The following CCDC91 variants were observed in gnomAD, a reference collection of about 807,000 sequenced individuals.
CCDC91 encodes the protein coiled-coil domain-containing protein 91.
In CCDC91, 48 loss-of-function variants were observed where a neutral mutation model predicts 63.2. That is an observed-to-expected ratio of 0.76 (90% CI 0.60 to 0.97). The LOEUF (loss-of-function observed/expected upper bound fraction) is 0.97. Ranked by LOEUF, CCDC91 falls within the 50% of genes least tolerant of loss-of-function variation. The probability of loss-of-function intolerance (pLI) is 0.00; values close to 1 mark genes in which losing one functional copy is unlikely to be tolerated. For missense variants in CCDC91, 500 were observed against 494.6 expected, an observed-to-expected ratio of 1.01 and a Z score of -0.10; for synonymous variants, 167 against 165.8, an observed-to-expected ratio of 1.01 and a Z score of -0.06.
chr12:28,213,974 A>G (rs1324236991), intron 1 of CCDC91, among the ~76,000 whole-genome samples: 3 of 152,218 alleles, frequency 2.0e-5, no homozygotes, highest in Admixed American at 6.5e-5. Flanking sequence ...TCTTTCTTCC[A>G]TTGCCAGGAT....
At chr12:28,440,159 A>G (rs1034447916) in intron 8 of CCDC91, among the ~76,000 whole-genome samples, 5 of 152,188 alleles carry the variant, frequency 3.3e-5, no homozygotes, top group African/African-American at 1.2e-4. Flanking sequence ...ATCAGGGTAA[A>G]TGACCACATG....
chr12:28,502,339 C>T (rs1456522742), intron 12 of CCDC91, among the ~76,000 whole-genome samples: 1 of 151,930 alleles, frequency 6.6e-6, no homozygotes, highest in Non-Finnish European at 1.5e-5. Flanking sequence ...ACAATTTCTT[C>T]AAAGAGAATA....
At position 28,452,585 on chromosome 12, in the gene CCDC91, T is replaced by C. The variant is rs746120585; in HGVS notation, c.1032T>C (p.His344=). Residue 344 remains histidine, a synonymous_variant, in exon 11 of 13, where the codon CAT becomes CAC. Transcript: ENST00000536442. The part of the protein sequence containing the change: ...AEERELWKTE[H]AKDQEKVSQE... ...AAAGGGAATTATGGAAGACAGAACA[T>C]GCAAAAGATCAAGAAAAAGTATCTC... 18 of 1,585,434 alleles carry C rather than the reference T, an allele frequency of 1.1e-5. No homozygotes were observed. The highest frequency in any genetic ancestry group is 1.5e-5 in the Non-Finnish European group (18 of 1,167,550).
intron 1 of CCDC91, among the ~76,000 whole-genome samples, chr12:28,244,334 A>C (rs1490393762): frequency 6.6e-6 from 1 of 152,116 alleles, no homozygotes; most frequent in African/African-American, 2.4e-5. Context: ...ATGGGGATAG[A>C]TGAAAAGATT....
chr12:28,205,224 A>G (rs1942755866), intron 1 of CCDC91, among the ~76,000 whole-genome samples: 2 of 152,086 alleles, frequency 1.3e-5, no homozygotes, highest in Non-Finnish European at 2.9e-5. Context: ...GGAAAGGCGA[A>G]TGAAGGTGTG....
At chr12:28,375,899 T>C (rs910488323) in intron 7 of CCDC91, among the ~76,000 whole-genome samples, 1 of 151,920 alleles carries the variant, frequency 6.6e-6, no homozygotes, top group Admixed American at 6.6e-5. Context: ...ATTTTTGAGA[T>C]AATGAGGAAC....
chr12:28,461,016 G>A (rs976196337), intron 11 of CCDC91, among the ~76,000 whole-genome samples: 10 of 152,006 alleles, frequency 6.6e-5, no homozygotes, highest in African/African-American at 9.6e-5. Flanking sequence ...AGGTTATTTA[G>A]GTATAGTCTG....
intron 8 of CCDC91, among the ~76,000 whole-genome samples, chr12:28,425,443 C>T (rs1428291997): frequency 9.9e-5 from 15 of 152,102 alleles, no homozygotes; most frequent in Non-Finnish European, 2.1e-4. Context: ...CTGCCAGAGC[C>T]TTTATTTGGG....
At chr12:28,239,424 T>A (rs536779079) in intron 1 of CCDC91, among the ~76,000 whole-genome samples, 116 of 152,250 alleles carry the variant, frequency 7.6e-4, no homozygotes, top group Non-Finnish European at 1.2e-3. Flanking sequence ...ATGGCATTAA[T>A]TAGTATAGCT....
intron 1 of CCDC91, among the ~76,000 whole-genome samples, chr12:28,237,288 A>G (rs1266050411): frequency 7.0e-6 from 1 of 141,898 alleles, no homozygotes; most frequent in African/African-American, 2.5e-5. Flanking sequence ...AAGTTGTTGT[A>G]GGCAGAATAA....
chr12:28,330,882 T>A (rs558743549), intron 6 of CCDC91, among the ~76,000 whole-genome samples: 1 of 152,304 alleles, frequency 6.6e-6, no homozygotes, highest in African/African-American at 2.4e-5. Context: ...TACTTCAAAG[T>A]TTTGCCCTTT....
At chr12:28,469,861 G>A (rs1243893200) in intron 11 of CCDC91, among the ~76,000 whole-genome samples, 1 of 152,098 alleles carries the variant, frequency 6.6e-6, no homozygotes, top group Non-Finnish European at 1.5e-5. Flanking sequence ...TCAGTAAATT[G>A]TGCTGGGAAA....
intron 11 of CCDC91, among the ~76,000 whole-genome samples, chr12:28,475,925 A>C (rs1462633209): frequency 1.3e-5 from 2 of 152,004 alleles, no homozygotes; most frequent in African/African-American, 4.8e-5. Flanking sequence ...TGGTTACTAG[A>C]AAATTACATT....
chr12:28,233,461 T>C (rs2135849945), intron 1 of CCDC91, among the ~76,000 whole-genome samples: 1 of 152,280 alleles, frequency 6.6e-6, no homozygotes, highest in South Asian at 2.1e-4. Flanking sequence ...TTGTTATTGG[T>C]GAGAAAATTT....
chr12:28,410,078 A>C (rs1234610825), intron 8 of CCDC91, among the ~76,000 whole-genome samples: 1 of 152,252 alleles, frequency 6.6e-6, no homozygotes, highest in Non-Finnish European at 1.5e-5. Flanking sequence ...GTGTATTGTT[A>C]CTAATTTCCT....
At chr12:28,242,878 G>C (rs187474864) in intron 1 of CCDC91, among the ~76,000 whole-genome samples, 33 of 152,194 alleles carry the variant, frequency 2.2e-4, no homozygotes, top group Admixed American at 9.8e-4. Flanking sequence ...TGGTTTAAAA[G>C]TGTGTAGCGC....
intron 12 of CCDC91, among the ~76,000 whole-genome samples, chr12:28,543,135 C>T (rs140881566): frequency 5.9e-5 from 9 of 152,118 alleles, no homozygotes; most frequent in African/African-American, 1.4e-4. Flanking sequence ...TGTTTCTCTT[C>T]GTGTAAAGAC....
At chr12:28,418,090 C>A (rs11049587) in intron 8 of CCDC91, among the ~76,000 whole-genome samples, 59,041 of 151,850 alleles carry the variant, frequency 0.39, 11,939 homozygotes, top group Middle Eastern at 0.48. Context: ...AGGAGTAGCA[C>A]TGGTGGATCA....
chr12:28,277,501 C>A (rs1357809415), intron 3 of CCDC91, among the ~76,000 whole-genome samples: 1 of 152,044 alleles, frequency 6.6e-6, no homozygotes, highest in Non-Finnish European at 1.5e-5. Context: ...GCTCCAAAAT[C>A]CAAAACTTAC....
Sources: allele counts gnomAD v4.1 joint callset (sites outside exome capture counted in the v4.1 genomes callset), GRCh38; gene constraint gnomAD v4.1.1; transcripts MANE v1.5; gene names NCBI Gene and HGNC (gene_info 2026-07-23, HGNC 2026-07-21).